Variants in TMEM131L observed in about 807,000 individuals in gnomAD.
The protein encoded by TMEM131L is transmembrane 131 like, also known as transmembrane protein 131-like.
TMEM131L carries 54 observed loss-of-function variants against 192.2 expected under a neutral mutation model. That is an observed-to-expected ratio of 0.28 (90% confidence interval 0.23 to 0.35). The LOEUF is 0.35. TMEM131L is among the 10% of genes least tolerant of loss of function. The pLI is 1.00. For missense variants in TMEM131L, 1,888 were observed against 1,972.9 expected (o/e 0.96, Z 0.82); for synonymous variants, 701 against 704.9 (o/e 0.99, Z 0.09).
intron 1 of TMEM131L, among the ~76,000 whole-genome samples, chr4:153,466,951 T>G (rs936077384): frequency 6.6e-6 from 1 of 152,038 alleles, no homozygotes; most frequent in Non-Finnish European, 1.5e-5. Context: ...GTGTCTTCAC[T>G]CCCACTTCGT....
At chr4:153,608,005 C>T (rs1326687762) in intron 25 of TMEM131L, among the ~76,000 whole-genome samples, 1 of 152,026 alleles carries the variant, frequency 6.6e-6, no homozygotes, top group Non-Finnish European at 1.5e-5. Context: ...CCTGTGGTCC[C>T]AGCTACTTGG....
At chr4:153,528,370 T>A (rs756386894) in intron 3 of TMEM131L, among the ~76,000 whole-genome samples, 1 of 152,196 alleles carries the variant, frequency 6.6e-6, no homozygotes, top group Non-Finnish European at 1.5e-5. Flanking sequence ...GTGGGAAAAC[T>A]GTGACATGTT....
chr4:153,467,372 G>T, intron 2 of TMEM131L, 91 bp downstream of exon 2: 2 of 1,139,702 alleles, frequency 1.8e-6, no homozygotes, highest in Non-Finnish European at 2.6e-6. Flanking sequence ...TGTCCAAGCG[G>T]CACAGGCGTT....
intron 20 of TMEM131L, among the ~76,000 whole-genome samples, chr4:153,597,970 C>T (rs1263351349): frequency 6.6e-6 from 1 of 152,052 alleles, no homozygotes; most frequent in Non-Finnish European, 1.5e-5. Context: ...AAAATAATTT[C>T]CACCTTTTTG....
chr4:153,603,679 A>G lies in TMEM131L; in HGVS notation c.2790-123A>G, dbSNP rs922060732. Reference sequence around the variant, plus strand: ...GGCAGAAAACTCTTGGAGCTTTGGAAGAAGGGAAGGTAAAACTTACACTCA... The same window carrying G: ...GGCAGAAAACTCTTGGAGCTTTGGAGGAAGGGAAGGTAAAACTTACACTCA... On this transcript the variant is annotated intron_variant, in intron 24 of 34. Transcript: ENST00000409959. The G allele has an allele frequency of 5.1e-6, 6 of 1,167,982 alleles. No individual in the cohort carries two copies. In the African/African-American group the frequency reaches 6.2e-5, roughly 12 times the overall value. The allele number at this position is 1,167,982 out of a possible 1,614,324, so 72.4% of individuals were successfully genotyped here.
intron 7 of TMEM131L, among the ~76,000 whole-genome samples, chr4:153,560,154 C>T (rs749685505): frequency 1.3e-5 from 2 of 152,178 alleles, no homozygotes; most frequent in Non-Finnish European, 2.9e-5. Context: ...TACTTATATC[C>T]ATTAAATAAT....
At position 153,497,878 on chromosome 4, in the gene TMEM131L, CAAAAAAAAAAAA is replaced by C. The variant is rs200874155; in HGVS notation, c.239+24000_239+24011del. Among the ~76,000 whole-genome samples, 223 of 70,340 alleles carry C rather than the reference CAAAAAAAAAAAA, an allele frequency of 3.2e-3. 2 individuals are homozygous for C. In the East Asian group the frequency reaches 0.067, roughly 21 times the overall value. The allele number at this position is 70,340 out of a possible 152,430, so 46.1% of individuals were successfully genotyped here. ...TTTTCTTTTTGTTATGAAAAATTTC[CAAAAAAAAAAAA>C]AAAAAAAAAGAAAAGTTGAGAGACT... On this transcript the variant is annotated intron_variant, in intron 3 of 34. Transcript: ENST00000409959.
chr4:153,547,997 T>C (rs1254380304), intron 3 of TMEM131L, among the ~76,000 whole-genome samples: 1 of 150,826 alleles, frequency 6.6e-6, no homozygotes, highest in Admixed American at 6.6e-5. Context: ...TCAAAATTAT[T>C]TTTGGTACAT....
chr4:153,495,545 T>A (rs555005739), intron 3 of TMEM131L, among the ~76,000 whole-genome samples: 1 of 152,254 alleles, frequency 6.6e-6, no homozygotes, highest in South Asian at 2.1e-4. Flanking sequence ...CCTTGATTAG[T>A]CTTTGAGTGA....
At chr4:153,585,886 C>T (rs1730668584) in intron 13 of TMEM131L, among the ~76,000 whole-genome samples, 1 of 151,972 alleles carries the variant, frequency 6.6e-6, no homozygotes, top group East Asian at 1.9e-4. Flanking sequence ...TTGCTCTTAC[C>T]ATTATTCAAA....
chr4:153,497,861 T>C (rs1733291318), intron 3 of TMEM131L, among the ~76,000 whole-genome samples: 1 of 149,810 alleles, frequency 6.7e-6, no homozygotes, highest in African/African-American at 2.5e-5. Context: ...TTTTTTCTTT[T>C]TGTTATGAAA....
Position 153,630,992 on chromosome 4 carries a change from C to G in TMEM131L, c.4208-1726C>G, listed in dbSNP as rs535348096. Among the ~76,000 whole-genome samples the G allele has an allele frequency of 1.1e-4, 16 of 152,342 alleles. No homozygotes were observed. In the South Asian group the frequency reaches 3.3e-3, roughly 32 times the overall value. On this transcript the variant is annotated intron_variant, in intron 31 of 34. Transcript: ENST00000409959. ...TGCCCATCTGTTGCTTCCCAAGTGGCAGACCAAGCACCTAAACCATTGGCA... is the reference window on the plus strand; with the variant it reads ...TGCCCATCTGTTGCTTCCCAAGTGGGAGACCAAGCACCTAAACCATTGGCA...
At chr4:153,587,833 T>C in intron 15 of TMEM131L, 22 bp downstream of exon 15, 1 of 1,538,418 alleles carries the variant, frequency 6.5e-7, no homozygotes. Flanking sequence ...GCCCTTAGGC[T>C]TTCTGTAGAT....
intron 3 of TMEM131L, among the ~76,000 whole-genome samples, chr4:153,545,310 T>C (rs1258904244): frequency 3.4e-5 from 5 of 147,182 alleles, no homozygotes; most frequent in South Asian, 2.1e-4. Flanking sequence ...TTTTTTGAGA[T>C]GGAGTCTCGC....
intron 7 of TMEM131L, 31 bp downstream of exon 7, chr4:153,558,399 G>T (rs1433141651): frequency 7.4e-7 from 1 of 1,353,732 alleles, no homozygotes; most frequent in South Asian, 1.2e-5. Context: ...TTGAATGCTG[G>T]TGGCCACCAA....
chr4:153,472,999 G>A (rs1731262451), intron 2 of TMEM131L, among the ~76,000 whole-genome samples: 1 of 152,230 alleles, frequency 6.6e-6, no homozygotes, highest in Non-Finnish European at 1.5e-5. Flanking sequence ...CTGGGGCCTA[G>A]CCCAGAGCCT....
chr4:153,539,403 A>T (rs1377311261), intron 3 of TMEM131L, among the ~76,000 whole-genome samples: 2 of 151,724 alleles, frequency 1.3e-5, no homozygotes, highest in African/African-American at 2.4e-5. Flanking sequence ...TGTGTGGTCT[A>T]TGCTAGTCTG....
At chr4:153,504,427 G>C (rs71620264) in intron 3 of TMEM131L, among the ~76,000 whole-genome samples, 1 of 148,860 alleles carries the variant, frequency 6.7e-6, no homozygotes, top group Non-Finnish European at 1.5e-5. Flanking sequence ...TTATAGGTGC[G>C]CACTACCACG....
intron 7 of TMEM131L, among the ~76,000 whole-genome samples, chr4:153,573,632 A>C (rs1384044019): frequency 6.6e-6 from 1 of 152,230 alleles, no homozygotes; most frequent in Non-Finnish European, 1.5e-5. Flanking sequence ...TAGATAGTAC[A>C]GGGGTTATCT....
Sources: gnomAD v4.1 joint callset for allele counts (sites outside exome capture counted in the v4.1 genomes callset) on GRCh38, gnomAD v4.1.1 for gene constraint, MANE v1.5 for transcripts, NCBI Gene and HGNC (gene_info 2026-07-23, HGNC 2026-07-21) for gene names.